The following MRLN variants were observed in gnomAD, a reference collection of about 807,000 sequenced individuals.
MRLN encodes myoregulin.
At chr10:59,747,453 A>G (rs890796749) in intron 1 of MRLN, among the ~76,000 whole-genome samples, 17 of 152,244 alleles carry the variant, frequency 1.1e-4, no homozygotes, top group African/African-American at 3.6e-4. Flanking sequence ...TTGTGCCTAG[A>G]AAGTAAACAT....
intron 1 of MRLN, among the ~76,000 whole-genome samples, chr10:59,745,692 C>T (rs1420166542): frequency 6.7e-6 from 1 of 149,852 alleles, no homozygotes; most frequent in African/African-American, 2.5e-5. Context: ...TTGACCTGTT[C>T]ATTGCTTATT....
chr10:59,740,060 C>A (rs546315234), intron 1 of MRLN, among the ~76,000 whole-genome samples: 1 of 151,244 alleles, frequency 6.6e-6, no homozygotes, highest in African/African-American at 2.4e-5. Flanking sequence ...CACTGCACTC[C>A]AGCCTGGGAG....
rs920695146 is a variant in MRLN at position 59,737,195 on chromosome 10, A to G, written c.6T>C (p.Thr2=). Residue 2 remains threonine (T), a synonymous_variant, in exon 3 of 3, where the codon ACT becomes ACC. Transcript: ENST00000414264. M[T]GKNWILISTT... is the part of the protein sequence containing the mutation. ...TAGAAATTAATATCCAGTTTTTACCAGTCATATCCAGAATTATCCCGCTCC... is the reference window on the plus strand; with the variant it reads ...TAGAAATTAATATCCAGTTTTTACCGGTCATATCCAGAATTATCCCGCTCC... 2.5e-6 allele frequency: 1 copy of G among 397,246 alleles called. No individual in the cohort carries two copies. Among genetic ancestry groups the G allele is most frequent in the African/African-American group, 2.1e-5 (1 of 48,598 alleles). The allele number at this position is 397,246 out of a possible 1,614,324, so 24.6% of individuals were successfully genotyped here.
At chr10:59,752,938 C>T (rs1025633518) in intron 1 of MRLN, among the ~76,000 whole-genome samples, 7 of 152,176 alleles carry the variant, frequency 4.6e-5, no homozygotes, top group African/African-American at 1.7e-4. Context: ...TACTCCTCCC[C>T]CCAATCCCCT....
chr10:59,739,518 GAA>G (rs548577553), intron 1 of MRLN: 1 of 151,952 alleles, frequency 6.6e-6, no homozygotes, highest in Middle Eastern at 3.2e-3. Flanking sequence ...ACAATGACAA[GAA>G]AAAAAGTCTG....
At chr10:59,745,374 G>A (rs962994792) in intron 1 of MRLN, among the ~76,000 whole-genome samples, 2 of 152,054 alleles carry the variant, frequency 1.3e-5, no homozygotes, top group Non-Finnish European at 2.9e-5. Flanking sequence ...CCAACGTAAT[G>A]TTTTAACATC....
At chr10:59,752,415 A>G (rs2070167769) in intron 1 of MRLN, among the ~76,000 whole-genome samples, 1 of 152,224 alleles carries the variant, frequency 6.6e-6, no homozygotes, top group Admixed American at 6.5e-5. Context: ...AAAAGAGACT[A>G]TGATTCTCAT....
At chr10:59,751,305 T>C (rs1234885710) in intron 1 of MRLN, among the ~76,000 whole-genome samples, 2 of 152,106 alleles carry the variant, frequency 1.3e-5, no homozygotes, top group East Asian at 1.9e-4. Context: ...TTTTTTTCCA[T>C]AGGGCAGATG....
chr10:59,748,325 A>T (rs926328199), intron 1 of MRLN, among the ~76,000 whole-genome samples: 1 of 152,192 alleles, frequency 6.6e-6, no homozygotes, highest in African/African-American at 2.4e-5. Context: ...CTAAAATTTG[A>T]GTTCAAGCTG....
chr10:59,746,594 G>A (rs1841046200), intron 1 of MRLN, among the ~76,000 whole-genome samples: 1 of 152,172 alleles, frequency 6.6e-6, no homozygotes, highest in South Asian at 2.1e-4. Context: ...CTTCAGTCCT[G>A]GATCCTTTCT....
chr10:59,752,220 T>A (rs1469567009), intron 1 of MRLN, among the ~76,000 whole-genome samples: 3 of 152,150 alleles, frequency 2.0e-5, no homozygotes, highest in Admixed American at 1.3e-4. Context: ...GCCTCTACAG[T>A]TTAAATTCAT....
Position 59,751,563 on chromosome 10 carries a change from G to A in MRLN, c.-125+1791C>T, listed in dbSNP as rs981276386. Among the ~76,000 whole-genome samples the A allele has an allele frequency of 8.6e-5, 13 of 151,734 alleles. 1 individual carries two copies. The highest frequency in any genetic ancestry group is 3.4e-3 in the Middle Eastern group (1 of 294). On this transcript the variant is annotated intron_variant, in intron 1 of 2. Transcript: ENST00000414264. ...TGCACACCTGTAGTCCCAGGTACTCGGGAGGCTGAGGTGGAAGAATCACTT... is the reference window on the plus strand; with the variant it reads ...TGCACACCTGTAGTCCCAGGTACTCAGGAGGCTGAGGTGGAAGAATCACTT...
At chr10:59,741,860 T>C (rs544561265) in intron 1 of MRLN, among the ~76,000 whole-genome samples, 1 of 152,264 alleles carries the variant, frequency 6.6e-6, no homozygotes, top group East Asian at 1.9e-4. Context: ...TAATTTTTTG[T>C]AGAGACGGAG....
chr10:59,752,332 A>G (rs938306025), intron 1 of MRLN, among the ~76,000 whole-genome samples: 15 of 152,258 alleles, frequency 9.9e-5, no homozygotes, highest in African/African-American at 3.6e-4. Flanking sequence ...GGAATTTATA[A>G]ATTTGTTAAA....
At chr10:59,752,033 A>G (rs541328522) in intron 1 of MRLN, among the ~76,000 whole-genome samples, 53 of 152,206 alleles carry the variant, frequency 3.5e-4, no homozygotes, top group Non-Finnish European at 6.5e-4. Flanking sequence ...TTATGGAAAT[A>G]ATAGTTTATA....
In MRLN at chr10:59,750,746, G is replaced by A. The variant is rs1249496115; in HGVS notation, c.-125+2608C>T. On this transcript the variant is annotated intron_variant, in intron 1 of 2. Transcript: ENST00000414264. ...GCACTTTTACAAAGCCGGATGAAAT[G>A]CCCGGAGCCCTGGCTGGGGATCAGC... 3.9e-5 allele frequency among the ~76,000 whole-genome samples: 6 copies of A among 152,222 alleles called. No individual in the cohort carries two copies. In the East Asian group the frequency reaches 1.2e-3, roughly 29 times the overall value.
At chr10:59,751,248 C>G (rs183601719) in intron 1 of MRLN, among the ~76,000 whole-genome samples, 1 of 152,158 alleles carries the variant, frequency 6.6e-6, no homozygotes, top group Non-Finnish European at 1.5e-5. Context: ...AATGATATCT[C>G]TAGCATTTTC....
chr10:59,750,229 A>G (rs926902188), intron 1 of MRLN, among the ~76,000 whole-genome samples: 14 of 150,632 alleles, frequency 9.3e-5, no homozygotes, highest in Admixed American at 9.2e-4. Flanking sequence ...CCACCACCAC[A>G]CCGGTTAATT....
rs572350487 is a variant in MRLN at position 59,740,624 on chromosome 10, A to G, written c.-124-2062T>C. On this transcript the variant is annotated intron_variant, in intron 1 of 2. Coordinates refer to ENST00000414264, the MANE Select transcript of MRLN (RefSeq NM_001304731.2). ...AAGCTTATAGAATTAGGATATAAAG[A>G]AAGAAAATGTTTGTGTACAGCCATA... Among the ~76,000 whole-genome samples the G allele has an allele frequency of 2.0e-5, 3 of 152,322 alleles. No homozygotes were observed. In the South Asian group the frequency reaches 6.2e-4, roughly 32 times the overall value.
Sources: allele counts gnomAD v4.1 joint callset (sites outside exome capture counted in the v4.1 genomes callset), GRCh38; gene constraint gnomAD v4.1.1; transcripts MANE v1.5; gene names NCBI Gene and HGNC (gene_info 2026-07-23, HGNC 2026-07-21).